P2RY8: variants seen among roughly 807,000 people sequenced by gnomAD.
P2RY8 encodes P2Y receptor family member 8, also known as S-geranylgeranyl-glutathione receptor P2RY8.
Under a neutral mutation model 10.0 loss-of-function variants are expected in P2RY8, and 6 were observed. That is an observed-to-expected ratio of 0.60 (90% CI 0.33 to 1.19). P2RY8 has a LOEUF of 1.19. P2RY8 is among the 50% of genes most tolerant of loss of function. The probability of loss-of-function intolerance (pLI) is 0.04; values close to 1 mark genes in which losing one functional copy is unlikely to be tolerated. For missense variants in P2RY8, 456 were observed against 542.0 expected (o/e 0.84, Z 1.58); for synonymous variants, 276 against 252.5 (o/e 1.09, Z -0.88).
intron 1 of P2RY8, among the ~76,000 whole-genome samples, chrX:1,526,703 A>G (rs2092442687): frequency 6.9e-6 from 1 of 144,236 alleles, no homozygotes; most frequent in African/African-American, 2.8e-5. Context: ...CATCCATCCA[A>G]TTCATCCATC....
chrX:1,507,652 C>T (rs2092247284), intron 1 of P2RY8, among the ~76,000 whole-genome samples: 1 of 152,132 alleles, frequency 6.6e-6, no homozygotes, highest in African/African-American at 2.4e-5. Context: ...CGTGCCGGCC[C>T]CTCCTGTTGG....
intron 1 of P2RY8, among the ~76,000 whole-genome samples, chrX:1,523,740 T>C (rs2092409625): frequency 6.6e-6 from 1 of 152,176 alleles, no homozygotes; most frequent in Admixed American, 6.5e-5. Context: ...TGGAGTGCAG[T>C]GGCACGATCT....
Position 1,462,623 on chromosome X carries a change from T to G in P2RY8, c.*2856A>C, listed in dbSNP as rs1244020263. The G allele has an allele frequency of 4.3e-6, 1 of 232,576 alleles. No homozygotes were observed. The highest frequency in any genetic ancestry group is 8.5e-6 in the Non-Finnish European group (1 of 117,684). 14.4% of individuals were successfully genotyped at this position (232,576 alleles called of 1,614,324 possible). A position where few individuals can be genotyped will look rare whatever the true frequency, so the allele number is the denominator to read the frequency against. On this transcript the variant is annotated 3_prime_UTR_variant, in exon 2 of 2. Transcript: ENST00000381297. ...GTTTTTTTTTAATGTTTTATTTTTA[T>G]TTTTTACAGAGATGAGTTCTCACTG...
At chrX:1,524,261 ACC>A (rs1225189612) in intron 1 of P2RY8, among the ~76,000 whole-genome samples, 1 of 151,492 alleles carries the variant, frequency 6.6e-6, no homozygotes, top group Non-Finnish European at 1.5e-5. Flanking sequence ...CCAGCTGCTT[ACC>A]CCCCTCTCTT....
chrX:1,519,359 TCCAATATTCTCTCTGGTCC>T lies in P2RY8; in HGVS notation c.-25+17543_-25+17561del, dbSNP rs764740484. 5.0e-3 allele frequency among the ~76,000 whole-genome samples: 694 copies of T among 139,560 alleles called. 9 individuals are homozygous for T. Among genetic ancestry groups the T allele is most frequent in the African/African-American group, 0.017 (637 of 37,032 alleles). 91.6% of individuals were successfully genotyped at this position (139,560 alleles called of 152,430 possible). A position where few individuals can be genotyped will look rare whatever the true frequency, so the allele number is the denominator to read the frequency against. On this transcript the variant is annotated intron_variant, in intron 1 of 1. Coordinates refer to ENST00000381297, the MANE Select transcript of P2RY8 (RefSeq NM_178129.5). Reference sequence around the variant, plus strand: ...TCTGGTCTCCAATCATCTTTCTGATTCCAATATTCTCTCTGGTCCCCAATATTCTCTCTGGTCCCCAATA... The same window carrying T: ...TCTGGTCTCCAATCATCTTTCTGATTCCAATATTCTCTCTGGTCCCCAATA...
intron 1 of P2RY8, among the ~76,000 whole-genome samples, chrX:1,489,509 C>A (rs2092021353): frequency 6.6e-6 from 1 of 152,202 alleles, no homozygotes; most frequent in East Asian, 1.9e-4. Context: ...GGATTCCTCA[C>A]AAATGTGGAG....
intron 1 of P2RY8, among the ~76,000 whole-genome samples, chrX:1,500,025 A>ATTTTT (rs56354880): frequency 3.0e-5 from 3 of 98,824 alleles, no homozygotes; most frequent in East Asian, 3.7e-4. Flanking sequence ...TGCCCAGCTA[A>ATTTTT]TTTTTTGTAT....
intron 1 of P2RY8, among the ~76,000 whole-genome samples, chrX:1,473,376 G>C (rs1465738685): frequency 7.6e-5 from 5 of 65,760 alleles, no homozygotes; most frequent in African/African-American, 3.1e-4. Context: ...TGGGTGAGTG[G>C]GTGGGTGGGT....
intron 1 of P2RY8, among the ~76,000 whole-genome samples, chrX:1,524,886 C>T (rs868660583): frequency 5.6e-5 from 4 of 70,922 alleles, no homozygotes; most frequent in Non-Finnish European, 1.3e-4. Context: ...TCCATCCATC[C>T]ATCTATCCAT....
chrX:1,504,409 T>A (rs1354687269), intron 1 of P2RY8, among the ~76,000 whole-genome samples: 7 of 152,140 alleles, frequency 4.6e-5, no homozygotes. Flanking sequence ...GATGTAGACC[T>A]GGATTTGAAA....
intron 1 of P2RY8, among the ~76,000 whole-genome samples, chrX:1,501,570 C>T (rs1334749002): frequency 2.6e-5 from 4 of 151,858 alleles, no homozygotes; most frequent in East Asian, 1.9e-4. Flanking sequence ...TATATTGCCC[C>T]GTCTTAGTTT....
At chrX:1,480,184 C>T (rs1278860800) in intron 1 of P2RY8, among the ~76,000 whole-genome samples, 1 of 152,190 alleles carries the variant, frequency 6.6e-6, no homozygotes, top group Admixed American at 6.5e-5. Context: ...GGGCAACACT[C>T]ATTCTCACAC....
intron 1 of P2RY8, among the ~76,000 whole-genome samples, chrX:1,499,952 G>A (rs1280413066): frequency 3.4e-5 from 5 of 148,166 alleles, no homozygotes; most frequent in South Asian, 4.3e-4. Context: ...TCCGCCTCCC[G>A]GGTTCCCGCC....
intron 1 of P2RY8, among the ~76,000 whole-genome samples, chrX:1,477,848 C>T (rs760322430): frequency 2.6e-5 from 4 of 152,246 alleles, no homozygotes; most frequent in Non-Finnish European, 4.4e-5. Flanking sequence ...AAGAGGCTTT[C>T]GGGGAGAGAA....
chrX:1,509,804 T>TCCATC (rs1569538163), intron 1 of P2RY8, among the ~76,000 whole-genome samples: 149 of 65,024 alleles, frequency 2.3e-3, no homozygotes, highest in South Asian at 0.011. Context: ...ATCCTATCTA[T>TCCATC]CTATCTATCT....
rs773541272 is a variant in P2RY8, at chrX:1,512,307, G to A, written c.-25+24614C>T. Among the ~76,000 whole-genome samples, 260 of 152,226 alleles carry A rather than the reference G, an allele frequency of 1.7e-3. 1 individual carries two copies. Among genetic ancestry groups the A allele is most frequent in the South Asian group, 4.1e-3 (20 of 4,820 alleles). On this transcript the variant is annotated intron_variant, in intron 1 of 1. Transcript: ENST00000381297. ...CAAGCCTGTAATCCCAGCGCACTGG[G>A]AGGCCGAGGTGGGTGGATCACCTGA...
chrX:1,535,574 G>C (rs757639666), intron 1 of P2RY8, among the ~76,000 whole-genome samples: 1 of 151,850 alleles, frequency 6.6e-6, no homozygotes, highest in Non-Finnish European at 1.5e-5. Context: ...ATTGAACGGC[G>C]CAGTCAGGTG....
At chrX:1,500,162 G>T (rs5989774) in intron 1 of P2RY8, among the ~76,000 whole-genome samples, 92,254 of 151,164 alleles carry the variant, frequency 0.61, 32,203 homozygotes, top group East Asian at 0.82. Context: ...CCGGCCTGTT[G>T]TTGTTTTTTA....
At chrX:1,525,360 G>A (rs2092432900) in intron 1 of P2RY8, among the ~76,000 whole-genome samples, 1 of 152,162 alleles carries the variant, frequency 6.6e-6, no homozygotes, top group African/African-American at 2.4e-5. Context: ...TAATCCTATG[G>A]GACTGGGGTC....
Sources: allele counts gnomAD v4.1 joint callset (sites outside exome capture counted in the v4.1 genomes callset), GRCh38; gene constraint gnomAD v4.1.1; transcripts MANE v1.5; gene names NCBI Gene and HGNC (gene_info 2026-07-23, HGNC 2026-07-21).